MTREX: variants seen among roughly 807,000 people sequenced by gnomAD.
MTREX encodes exosome RNA helicase MTR4.
MTREX carries 76 observed loss-of-function variants against 135.4 expected under a neutral mutation model. The observed-to-expected ratio is 0.56, with a 90% confidence interval of 0.47 to 0.68. The LOEUF is 0.68. Ranked by LOEUF, MTREX falls within the 30% of genes least tolerant of loss-of-function variation. The pLI, the probability that MTREX is intolerant of heterozygous loss-of-function variation, is 0.00. For missense variants in MTREX, 920 were observed against 1,262.1 expected, an observed-to-expected ratio of 0.73 and a Z score of 4.11; for synonymous variants, 404 against 401.6, an observed-to-expected ratio of 1.01 and a Z score of -0.07.
intron 24 of MTREX, 69 bp downstream of exon 24, chr5:55,414,307 T>C (rs1384294189): frequency 8.1e-7 from 1 of 1,231,754 alleles, no homozygotes; most frequent in Admixed American, 2.7e-5. Flanking sequence ...TAAACATTTT[T>C]GATAATCTAA....
In MTREX at chr5:55,340,262, T is replaced by TTTA. The variant is rs543105991; in HGVS notation, c.690+81_690+83dup. 5.1e-5 allele frequency: 60 copies of TTTA among 1,177,014 alleles called. No homozygotes were observed. The African/African-American group carries it at 8.7e-4, about 17-fold the overall frequency. The allele number at this position is 1,177,014 out of a possible 1,614,324, so 72.9% of individuals were successfully genotyped here. A position where few individuals can be genotyped will look rare whatever the true frequency, so the allele number is the denominator to read the frequency against. On this transcript the variant is annotated intron_variant, in intron 6 of 26. Coordinates refer to ENST00000230640, the MANE Select transcript of MTREX (RefSeq NM_015360.5). ...ACTATTCAGTTAGAACCTGGGAAGT[T>TTTA]TTATTGGTTGCTCTACTTAGGTAAA...
At chr5:55,355,506 G>A (rs902654359) in intron 14 of MTREX, among the ~76,000 whole-genome samples, 2 of 152,160 alleles carry the variant, frequency 1.3e-5, no homozygotes, top group Admixed American at 1.3e-4. Context: ...AGTGGGCTCT[G>A]CAAAGAAGGC....
chr5:55,367,652 G>A (rs1379868101), intron 16 of MTREX, among the ~76,000 whole-genome samples: 1 of 152,148 alleles, frequency 6.6e-6, no homozygotes, highest in African/African-American at 2.4e-5. Flanking sequence ...TTAAGGTAAT[G>A]CTTACTAAAG....
chr5:55,403,452 T>C (rs1750755121), intron 21 of MTREX, among the ~76,000 whole-genome samples: 1 of 152,210 alleles, frequency 6.6e-6, no homozygotes, highest in Non-Finnish European at 1.5e-5. Context: ...TGGCATTAAC[T>C]TCAGTAATAT....
intron 18 of MTREX, among the ~76,000 whole-genome samples, chr5:55,384,408 G>T (rs1750446462): frequency 1.3e-5 from 2 of 152,096 alleles, no homozygotes; most frequent in Admixed American, 6.5e-5. Flanking sequence ...ATACAACATT[G>T]TTATTGTACC....
intron 3 of MTREX, among the ~76,000 whole-genome samples, chr5:55,325,828 T>C (rs1029247601): frequency 3.9e-5 from 6 of 152,308 alleles, no homozygotes; most frequent in East Asian, 1.9e-4. Context: ...TTTATGTCCA[T>C]GTGTACCCTA....
chr5:55,387,958 C>T lies in MTREX; in HGVS notation c.2053-16C>T, dbSNP rs2111566590. Reference sequence around the variant, plus strand: ...TTTCTTAAGAATGAATGAACATCTTCTGTTTTGTTTTTTAGCCTAACTCTG... The same window carrying T: ...TTTCTTAAGAATGAATGAACATCTTTTGTTTTGTTTTTTAGCCTAACTCTG... On this transcript the variant is annotated splice_polypyrimidine_tract_variant and intron_variant, in intron 18 of 26. Coordinates refer to ENST00000230640, the MANE Select transcript of MTREX (RefSeq NM_015360.5). 2 of 1,563,304 alleles carry T rather than the reference C, an allele frequency of 1.3e-6. No individual in the cohort carries two copies. Among genetic ancestry groups the T allele is most frequent in the Non-Finnish European group, 1.7e-6 (2 of 1,145,656 alleles).
chr5:55,356,137 T>C (rs1364827078), intron 14 of MTREX, among the ~76,000 whole-genome samples: 1 of 152,186 alleles, frequency 6.6e-6, no homozygotes, highest in African/African-American at 2.4e-5. Flanking sequence ...CCCAGGCCCA[T>C]GGCAAGGAGT....
intron 25 of MTREX, among the ~76,000 whole-genome samples, chr5:55,418,482 C>G (rs988956190): frequency 6.7e-6 from 1 of 149,080 alleles, no homozygotes; most frequent in African/African-American, 2.5e-5. Context: ...AGCATACCAG[C>G]ATTCCTGAAG....
chr5:55,362,613 G>C (rs12654654), intron 15 of MTREX, among the ~76,000 whole-genome samples: 19,471 of 152,034 alleles, frequency 0.13, 1,479 homozygotes, highest in East Asian at 0.26. Flanking sequence ...CACCCACCTT[G>C]GCCTCCCAAA....
chr5:55,346,261 G>A (rs1211831604), intron 10 of MTREX, among the ~76,000 whole-genome samples: 2 of 152,138 alleles, frequency 1.3e-5, no homozygotes, highest in African/African-American at 4.8e-5. Flanking sequence ...TTCCAAAGTG[G>A]CTATACCATT....
chr5:55,406,158 C>T (rs1750802381), intron 22 of MTREX, among the ~76,000 whole-genome samples: 1 of 152,134 alleles, frequency 6.6e-6, no homozygotes, highest in Admixed American at 6.6e-5. Context: ...AATCTTTTGT[C>T]ACAAATGACC....
chr5:55,344,832 C>A (rs749891769), intron 9 of MTREX, among the ~76,000 whole-genome samples: 7 of 152,060 alleles, frequency 4.6e-5, no homozygotes, highest in Admixed American at 1.3e-4. Flanking sequence ...AATCAGATTT[C>A]CCTCCTTTCC....
In MTREX at chr5:55,343,397, C is replaced by T; in HGVS notation, c.848C>T (p.Ser283Leu). The T allele has an allele frequency of 6.2e-7, 1 of 1,613,180 alleles. No homozygotes were observed. Among genetic ancestry groups the T allele is most frequent in the South Asian group, 1.1e-5 (1 of 91,002 alleles). ...GATAACGTCCACTATGTCTTTCTTT[C>T]GGCTACTATTCCAAATGCCCGACAG... is the stretch of plus-strand genomic sequence containing the variant. The part of the protein sequence containing the change: ...LPDNVHYVFL[S>L]ATIPNARQFA... Residue 283 changes from serine (S) to leucine (L), a missense_variant, in exon 8 of 27, where the codon TCG becomes TTG. Around this residue, in one of 6 missense-constraint regions of MTREX, gnomAD observed 88 missense variants for 202.5 expected, o/e 0.43. Coordinates refer to ENST00000230640, the MANE Select transcript of MTREX (RefSeq NM_015360.5).
chr5:55,310,931 C>T (rs1381812271), intron 1 of MTREX, among the ~76,000 whole-genome samples: 1 of 152,026 alleles, frequency 6.6e-6, no homozygotes, highest in Non-Finnish European at 1.5e-5. Context: ...GTACACACCA[C>T]CATATCGGGC....
intron 12 of MTREX, 117 bp from the exon 13 acceptor site, chr5:55,350,802 T>C: frequency 1.2e-6 from 1 of 840,170 alleles, no homozygotes; most frequent in Non-Finnish European, 1.8e-6. Context: ...TCTGGAAAGA[T>C]TTTATTAAGT....
intron 25 of MTREX, among the ~76,000 whole-genome samples, chr5:55,422,015 CAAAT>C (rs1196269100): frequency 6.6e-6 from 1 of 152,046 alleles, no homozygotes; most frequent in Non-Finnish European, 1.5e-5. Flanking sequence ...ATAGAAATAA[CAAAT>C]AATTATTATT....
chr5:55,369,336 C>G (rs1012844683), intron 16 of MTREX, among the ~76,000 whole-genome samples: 2 of 152,168 alleles, frequency 1.3e-5, no homozygotes, highest in African/African-American at 4.8e-5. Flanking sequence ...AAGCAGTTAG[C>G]ACAGTCATGC....
chr5:55,424,640 A>G, intron 26 of MTREX, 80 bp from the exon 27 acceptor site: 1 of 964,858 alleles, frequency 1.0e-6, no homozygotes, highest in Non-Finnish European at 1.7e-6. Flanking sequence ...GGGTTGGTAT[A>G]CTGGCTTTAA....
Sources: allele counts gnomAD v4.1 joint callset (sites outside exome capture counted in the v4.1 genomes callset), GRCh38; gene constraint gnomAD v4.1.1; regional missense constraint gnomAD v4.1.1; transcripts MANE v1.5; gene names NCBI Gene and HGNC (gene_info 2026-07-23, HGNC 2026-07-21).